Variants in CAMTA1 observed in about 807,000 individuals in gnomAD.
The protein encoded by CAMTA1 is calmodulin-binding transcription activator 1.
In CAMTA1, 27 loss-of-function variants were observed where a neutral mutation model predicts 170.9. The observed-to-expected ratio is 0.16, with a 90% CI of 0.12 to 0.22. The LOEUF is 0.22. CAMTA1 is among the 10% of genes least tolerant of loss of function. The pLI, the probability that CAMTA1 is intolerant of heterozygous loss-of-function variation, is 1.00. For synonymous variants in CAMTA1, 833 were observed against 891.5 expected (o/e 0.93, Z 1.17); for missense variants, 1,619 against 2,217.2 (o/e 0.73, Z 5.42).
chr1:6,987,213 A>G (rs1695511052), intron 3 of CAMTA1, among the ~76,000 whole-genome samples: 1 of 150,074 alleles, frequency 6.7e-6, no homozygotes. Flanking sequence ...CCCAGGCTGG[A>G]GTGCAGTGGC....
At chr1:6,942,129 A>G (rs1299736975) in intron 3 of CAMTA1, among the ~76,000 whole-genome samples, 1 of 151,376 alleles carries the variant, frequency 6.6e-6, no homozygotes, top group African/African-American at 2.4e-5. Flanking sequence ...GCACATTCCA[A>G]GTGCTGTTCC....
intron 11 of CAMTA1, among the ~76,000 whole-genome samples, chr1:7,710,958 A>G (rs900180014): frequency 6.6e-6 from 1 of 152,138 alleles, no homozygotes; most frequent in African/African-American, 2.4e-5. Context: ...TCTCATTCAT[A>G]AGGCCTGGCT....
chr1:6,911,739 C>T (rs763786932), intron 3 of CAMTA1, among the ~76,000 whole-genome samples: 4 of 152,122 alleles, frequency 2.6e-5, no homozygotes, highest in Non-Finnish European at 4.4e-5. Flanking sequence ...ATGGGAAGGC[C>T]GAGAACCACC....
At chr1:7,355,871 C>G (rs1043020807) in intron 5 of CAMTA1, among the ~76,000 whole-genome samples, 3 of 152,242 alleles carry the variant, frequency 2.0e-5, no homozygotes, top group Non-Finnish European at 4.4e-5. Context: ...AGGGCCTTTG[C>G]ACATGCTTTT....
Position 7,327,880 on chromosome 1 carries a change from T to C in CAMTA1, c.438+78254T>C, listed in dbSNP as rs192980916. Among the ~76,000 whole-genome samples the C allele has an allele frequency of 1.4e-3, 207 of 152,344 alleles. 1 individual carries two copies. The highest frequency in any genetic ancestry group is 4.7e-3 in the African/African-American group (197 of 41,582). On this transcript the variant is annotated intron_variant, in intron 5 of 22. Coordinates refer to ENST00000303635, the MANE Select transcript of CAMTA1 (RefSeq NM_015215.4). Reference sequence around the variant, plus strand: ...GTTTTGTTTTGTTATTGAAAATATCTTCATTTTATTCTCATTATTTCAAGA... The same window carrying C: ...GTTTTGTTTTGTTATTGAAAATATCCTCATTTTATTCTCATTATTTCAAGA...
At chr1:7,445,159 A>G (rs533697560) in intron 5 of CAMTA1, among the ~76,000 whole-genome samples, 1 of 151,904 alleles carries the variant, frequency 6.6e-6, no homozygotes, top group Admixed American at 6.6e-5. Context: ...TGAATCCACT[A>G]GGAATGTGCA....
chr1:7,245,575 A>G (rs1665632365), intron 4 of CAMTA1, among the ~76,000 whole-genome samples: 1 of 152,042 alleles, frequency 6.6e-6, no homozygotes, highest in Non-Finnish European at 1.5e-5. Flanking sequence ...CCTTTTTGCC[A>G]TGTTGCACTG....
At chr1:7,572,688 G>A (rs529594195) in intron 6 of CAMTA1, among the ~76,000 whole-genome samples, 2 of 152,240 alleles carry the variant, frequency 1.3e-5, no homozygotes, top group South Asian at 2.1e-4. Flanking sequence ...CTCCATCCCC[G>A]TGACTCAATC....
intron 3 of CAMTA1, among the ~76,000 whole-genome samples, chr1:7,028,216 A>G (rs1218434646): frequency 6.6e-6 from 1 of 152,094 alleles, no homozygotes; most frequent in African/African-American, 2.4e-5. Context: ...TCTTTAGTAT[A>G]TTTCTCCCTG....
chr1:7,219,499 G>T (rs79837337), intron 4 of CAMTA1: 1 of 145,716 alleles, frequency 6.9e-6, no homozygotes, highest in Non-Finnish European at 1.5e-5. Flanking sequence ...TGTGGTAGTG[G>T]GGGACTGTGT....
chr1:7,437,019 C>T (rs2092370069), intron 5 of CAMTA1, among the ~76,000 whole-genome samples: 1 of 152,096 alleles, frequency 6.6e-6, no homozygotes, highest in South Asian at 2.1e-4. Flanking sequence ...CTCAGCCCCT[C>T]TGGGGCACAG....
At chr1:7,507,909 A>T (rs1424161235) in intron 6 of CAMTA1, among the ~76,000 whole-genome samples, 1 of 152,220 alleles carries the variant, frequency 6.6e-6, no homozygotes, top group African/African-American at 2.4e-5. Context: ...GCAGCTCTCC[A>T]GCGTGTGTCT....
chr1:6,987,616 T>TC (rs1047438186), intron 3 of CAMTA1, among the ~76,000 whole-genome samples: 1 of 152,220 alleles, frequency 6.6e-6, no homozygotes, highest in Admixed American at 6.5e-5. Flanking sequence ...AGGAAGAAGT[T>TC]CTGACCGGAA....
rs2083421852 is a variant in CAMTA1, at chr1:7,336,948, C to T, written c.438+87322C>T. Among the ~76,000 whole-genome samples the T allele has an allele frequency of 2.0e-5, 3 of 152,222 alleles. 1 individual carries two copies. The South Asian group carries it at 6.2e-4, about 31-fold the overall frequency. On this transcript the variant is annotated intron_variant, in intron 5 of 22. Transcript: ENST00000303635. ...CCCTATCTTCCTCTGGATCATAGCT[C>T]CTAGGTCCCATCCAGGAAGAAAGAA...
rs1473392053 is a variant in CAMTA1 at position 7,534,075 on chromosome 1, G to A, written c.510+66174G>A. Among the ~76,000 whole-genome samples, 1 of 152,152 alleles carries A rather than the reference G, an allele frequency of 6.6e-6. No homozygotes were observed. The highest frequency in any genetic ancestry group is 2.4e-5 in the African/African-American group (1 of 41,432). On this transcript the variant is annotated intron_variant, in intron 6 of 22. Transcript: ENST00000303635. This position sits in a 1 kb window ranked among gnomAD's most constrained non-coding sequence, Gnocchi z 5.6. ...CCTTGCCCAGCCTGGCTCTCCTGGG[G>A]GCTCATGGGACTCCTGAGGCCCCTC...
intron 1 of CAMTA1, chr1:6,807,002 C>G (rs983011249): frequency 3.1e-6 from 2 of 653,756 alleles, no homozygotes; most frequent in African/African-American, 3.6e-5. Context: ...AGGACAGACC[C>G]AGTCTCTGTC....
chr1:7,648,992 G>T (rs1013408634), intron 7 of CAMTA1, among the ~76,000 whole-genome samples: 1 of 152,234 alleles, frequency 6.6e-6, no homozygotes, highest in Non-Finnish European at 1.5e-5. Flanking sequence ...GAGGGCAGGC[G>T]TTGGAGGCCA....
Position 7,232,823 on chromosome 1 carries a change from A to G in CAMTA1, c.303-16668A>G, listed in dbSNP as rs139978700. ...TTGATTTGAGGAAGTTTTCATCCGAATGGCTCCATTGATTGGCCTTTCGCG... is the reference window on the plus strand; with the variant it reads ...TTGATTTGAGGAAGTTTTCATCCGAGTGGCTCCATTGATTGGCCTTTCGCG... On this transcript the variant is annotated intron_variant, in intron 4 of 22. Transcript: ENST00000303635. Among the ~76,000 whole-genome samples, 89 of 152,320 alleles carry G rather than the reference A, an allele frequency of 5.8e-4. 1 individual carries two copies. The East Asian group carries it at 0.014, about 24-fold the overall frequency.
chr1:7,590,166 G>A (rs138672405), intron 6 of CAMTA1, among the ~76,000 whole-genome samples: 1 of 152,288 alleles, frequency 6.6e-6, no homozygotes, highest in Non-Finnish European at 1.5e-5. Flanking sequence ...CAGGGGTGAG[G>A]ACATAAGCCC....
Sources: gnomAD v4.1 joint callset for allele counts (sites outside exome capture counted in the v4.1 genomes callset) on GRCh38, gnomAD v4.1.1 for gene constraint, Gnocchi (gnomAD v3.1) non-coding constraint, MANE v1.5 for transcripts, NCBI Gene and HGNC (gene_info 2026-07-23, HGNC 2026-07-21) for gene names.